Variants in TFCP2L1 observed in about 807,000 individuals in gnomAD.
The protein encoded by TFCP2L1 is transcription factor CP2-like protein 1.
Under a neutral mutation model 72.2 loss-of-function variants are expected in TFCP2L1, and 12 were observed. The observed-to-expected ratio is 0.17, with a 90% CI of 0.11 to 0.27. The LOEUF (loss-of-function observed/expected upper bound fraction) is 0.27. TFCP2L1 is among the 10% of genes least tolerant of loss of function. The pLI, the probability that TFCP2L1 is intolerant of heterozygous loss-of-function variation, is 1.00. For synonymous variants in TFCP2L1, 260 were observed against 251.0 expected, an observed-to-expected ratio of 1.04 and a Z score of -0.34; for missense variants, 488 against 624.6, an observed-to-expected ratio of 0.78 and a Z score of 2.33.
chr2:121,265,958 G>T (rs1170007753), intron 2 of TFCP2L1, among the ~76,000 whole-genome samples: 1 of 150,372 alleles, frequency 6.7e-6, no homozygotes, highest in Admixed American at 6.6e-5. Context: ...CTCGACCTCC[G>T]GGGTTGAAGC....
chr2:121,229,588 C>G (rs1255208746), intron 13 of TFCP2L1, among the ~76,000 whole-genome samples: 1 of 152,116 alleles, frequency 6.6e-6, no homozygotes, highest in Non-Finnish European at 1.5e-5. Flanking sequence ...TATACATCCC[C>G]AAAACTAAAA....
At chr2:121,263,469 CAAAAAAAAAAAAAAA>C (rs10603088) in intron 2 of TFCP2L1, among the ~76,000 whole-genome samples, 3 of 67,516 alleles carry the variant, frequency 4.4e-5, no homozygotes, top group African/African-American at 1.1e-4. Flanking sequence ...CTGTTTTTGG[CAAAAAAAAAAAAAAA>C]AAAAAAAAAG....
chr2:121,264,896 T>C (rs1005006596), intron 2 of TFCP2L1, among the ~76,000 whole-genome samples: 4 of 152,146 alleles, frequency 2.6e-5, no homozygotes, highest in African/African-American at 9.7e-5. Context: ...CTGGTAACAA[T>C]GTAAAATAGT....
In TFCP2L1 at chr2:121,285,064, A is replaced by G. The variant is rs1344874610; in HGVS notation, c.46T>C (p.Ser16Pro). 6.6e-7 allele frequency: 1 copy of G among 1,519,736 alleles called. No individual in the cohort carries two copies. 94.1% of individuals were successfully genotyped at this position (1,519,736 alleles called of 1,614,324 possible). A position where few individuals can be genotyped will look rare whatever the true frequency, so the allele number is the denominator to read the frequency against. Residue 16 changes from serine to proline, a missense_variant, in exon 1 of 15, where the codon TCC (serine) becomes CCC (proline). Coordinates refer to ENST00000263707, the MANE Select transcript of TFCP2L1 (RefSeq NM_014553.3). ...GGCCCTTACCGCAGGTAGCTGCCGG[A>G]GTTGTGCTGGTTGTAGTGCTCGGGC... ...TQPEHYNQHN[S>P]GSYLRDVLAL...
At chr2:121,240,605 G>A (rs1483606835) in intron 7 of TFCP2L1, 1 of 985,308 alleles carries the variant, frequency 1.0e-6, no homozygotes, top group Non-Finnish European at 1.2e-6. Context: ...CTGCACTGTG[G>A]CAAGGGCTTG....
intron 2 of TFCP2L1, among the ~76,000 whole-genome samples, chr2:121,263,019 C>G (rs1686856088): frequency 6.6e-6 from 1 of 151,792 alleles, no homozygotes; most frequent in Non-Finnish European, 1.5e-5. Flanking sequence ...CACCGCAACC[C>G]CCATCTCCGG....
intron 1 of TFCP2L1, among the ~76,000 whole-genome samples, chr2:121,284,545 C>A (rs1328594461): frequency 6.6e-6 from 1 of 152,240 alleles, no homozygotes; most frequent in African/African-American, 2.4e-5. Context: ...GGCGGCCTGC[C>A]CCTCCGAGCC....
intron 2 of TFCP2L1, among the ~76,000 whole-genome samples, chr2:121,255,482 G>A (rs539300462): frequency 2.0e-5 from 3 of 152,330 alleles, no homozygotes; most frequent in South Asian, 2.1e-4. Context: ...CTGTATGTAC[G>A]TCATTTCACT....
intron 2 of TFCP2L1, among the ~76,000 whole-genome samples, chr2:121,254,142 G>A (rs1007872295): frequency 6.6e-6 from 1 of 152,146 alleles, no homozygotes; most frequent in African/African-American, 2.4e-5. Flanking sequence ...TCATCACTGC[G>A]CTGTCTGCAC....
intron 8 of TFCP2L1, 61 bp from the exon 9 acceptor site, chr2:121,237,911 C>A: frequency 6.3e-7 from 1 of 1,576,570 alleles, no homozygotes. Flanking sequence ...TGGCCACGGT[C>A]CCGGCACCCA....
At chr2:121,283,242 G>A (rs1438966686) in intron 1 of TFCP2L1, among the ~76,000 whole-genome samples, 1 of 152,148 alleles carries the variant, frequency 6.6e-6, no homozygotes, top group Admixed American at 6.6e-5. Context: ...AGGGGGAAGG[G>A]AGTAAAGGCC....
chr2:121,226,876 A>G (rs576969223), intron 13 of TFCP2L1, among the ~76,000 whole-genome samples: 1 of 152,320 alleles, frequency 6.6e-6, no homozygotes, highest in East Asian at 1.9e-4. Flanking sequence ...ATTTTCCTAC[A>G]TTCTCCTACA....
chr2:121,282,862 T>C (rs1394356729), intron 1 of TFCP2L1, among the ~76,000 whole-genome samples: 1 of 152,138 alleles, frequency 6.6e-6, no homozygotes, highest in Non-Finnish European at 1.5e-5. Context: ...CTCATCAATT[T>C]TGAGAAGAAA....
intron 2 of TFCP2L1, among the ~76,000 whole-genome samples, chr2:121,265,492 T>G (rs533151652): frequency 6.6e-6 from 1 of 152,292 alleles, no homozygotes; most frequent in African/African-American, 2.4e-5. Context: ...AAAGCTTTTT[T>G]TTTTTCTTTG....
At chr2:121,272,045 C>T (rs779764625) in intron 2 of TFCP2L1, among the ~76,000 whole-genome samples, 23 of 152,166 alleles carry the variant, frequency 1.5e-4, no homozygotes, top group Non-Finnish European at 2.4e-4. Flanking sequence ...GCTCCTGCAC[C>T]GAAGTGCCTG....
At chr2:121,236,773 C>A (rs1686257852) in intron 10 of TFCP2L1, among the ~76,000 whole-genome samples, 1 of 152,164 alleles carries the variant, frequency 6.6e-6, no homozygotes, top group Admixed American at 6.5e-5. Flanking sequence ...CAGGTGCCCA[C>A]ATGGTGGCTG....
chr2:121,238,008 C>T (rs1049148766), intron 8 of TFCP2L1, among the ~76,000 whole-genome samples, 158 bp from the exon 9 acceptor site: 1 of 152,194 alleles, frequency 6.6e-6, no homozygotes, highest in Non-Finnish European at 1.5e-5. Flanking sequence ...AGAAACACAG[C>T]AGGAGCCAAT....
At chr2:121,264,010 T>A (rs1440415587) in intron 2 of TFCP2L1, among the ~76,000 whole-genome samples, 1 of 151,134 alleles carries the variant, frequency 6.6e-6, no homozygotes, top group Non-Finnish European at 1.5e-5. Flanking sequence ...CAGTAAAGAG[T>A]AGAAAAACCA....
chr2:121,235,717 G>A (rs975047739), intron 10 of TFCP2L1, among the ~76,000 whole-genome samples: 3 of 150,974 alleles, frequency 2.0e-5, no homozygotes, highest in Non-Finnish European at 4.4e-5. Flanking sequence ...ACTGCATCTG[G>A]CCTCTTCTCT....
Sources: gnomAD v4.1 joint callset for allele counts (sites outside exome capture counted in the v4.1 genomes callset) on GRCh38, gnomAD v4.1.1 for gene constraint, MANE v1.5 for transcripts, NCBI Gene and HGNC (gene_info 2026-07-23, HGNC 2026-07-21) for gene names.